The following SGCG variants were observed in gnomAD, a reference collection of about 807,000 sequenced individuals.
The protein encoded by SGCG is gamma-sarcoglycan.
In SGCG, 26 loss-of-function variants were observed where a neutral mutation model predicts 29.3. That is an observed-to-expected ratio of 0.89 (90% confidence interval 0.65 to 1.23). The LOEUF is 1.23. Among genes scored for constraint, SGCG ranks in the 50% most tolerant of loss-of-function variants. The pLI, the probability that SGCG is intolerant of heterozygous loss-of-function variation, is 0.00. For missense variants in SGCG, 353 were observed against 356.0 expected (o/e 0.99, Z 0.07); for synonymous variants, 145 against 129.7 (o/e 1.12, Z -0.80).
chr13:23,255,304 G>T (rs1346237295), intron 4 of SGCG, among the ~76,000 whole-genome samples: 1 of 152,254 alleles, frequency 6.6e-6, no homozygotes, highest in South Asian at 2.1e-4. Context: ...CTCCCTTTTG[G>T]AATGGCAACA....
chr13:23,223,269 T>C (rs1878747966), intron 2 of SGCG, among the ~76,000 whole-genome samples: 1 of 92,604 alleles, frequency 1.1e-5, no homozygotes, highest in South Asian at 4.7e-4. Context: ...AGAGTCAGAC[T>C]CTGTCACAAA....
At position 23,279,408 on chromosome 13, in the gene SGCG, C is replaced by T. The variant is rs35628352; in HGVS notation, c.435C>T (p.Asn145=). 2,694 of 1,613,022 alleles carry T rather than the reference C, an allele frequency of 1.7e-3. 39 individuals carry two copies. In the African/African-American group the frequency reaches 0.031, roughly 19 times the overall value. ...VQNQQFQINS[N]DGKPLFTVDE... ...ATCAACAGTTTCAGATCAACTCCAA[C>T]GACGGCAAGCCACTATTTACTGTAG... Residue 145 remains asparagine, a synonymous_variant, in exon 5 of 8, where the codon AAC becomes AAT. Coordinates refer to ENST00000218867, the MANE Select transcript of SGCG (RefSeq NM_000231.3).
At position 23,324,424 on chromosome 13, in the gene SGCG, T is replaced by A. The variant is rs2137534128; in HGVS notation, c.759T>A (p.Gly253=). 1.2e-6 allele frequency: 2 copies of A among 1,614,066 alleles called. No homozygotes were observed. The highest frequency in any genetic ancestry group is 3.3e-5 in the Admixed American group (2 of 60,002). The change falls in exon 8 of 8, where the codon GGT becomes GGA. Residue 253 remains glycine, a synonymous_variant. Transcript: ENST00000218867. ...CLPKLVQGTW[G]PSGSSQSLYE... ...CCAAGCTGGTGCAGGGGACGTGGGG[T>A]CCCTCTGGCAGCTCACAGAGCCTCT...
At chr13:23,228,517 C>T (rs61946665) in intron 2 of SGCG, among the ~76,000 whole-genome samples, 6,775 of 152,126 alleles carry the variant, frequency 0.045, 252 homozygotes, top group Middle Eastern at 0.11. Flanking sequence ...AAACTCATGA[C>T]TTGGGCATTT....
intron 2 of SGCG, among the ~76,000 whole-genome samples, chr13:23,214,255 C>A (rs957984490): frequency 2.0e-5 from 3 of 152,176 alleles, no homozygotes; most frequent in Non-Finnish European, 4.4e-5. Flanking sequence ...GCTATAAAAA[C>A]CCCTAGTTTT....
intron 3 of SGCG, chr13:23,245,616 A>G (rs1445014108): frequency 6.6e-6 from 1 of 152,200 alleles, no homozygotes; most frequent in Non-Finnish European, 1.5e-5. Context: ...GAAATTCAGT[A>G]AGGGGCGACC....
chr13:23,240,763 G>C (rs983645805), intron 3 of SGCG, among the ~76,000 whole-genome samples: 2 of 152,156 alleles, frequency 1.3e-5, no homozygotes, highest in Non-Finnish European at 1.5e-5. Flanking sequence ...ATTTTGAACT[G>C]AATGACAATT....
intron 3 of SGCG, chr13:23,246,095 GCAA>G (rs35405454): frequency 0.15 from 23,000 of 155,898 alleles, 1,738 homozygotes; most frequent in East Asian, 0.26. Flanking sequence ...AGCAGCAGCA[GCAA>G]CAACAACATA....
chr13:23,218,585 G>A (rs1352150781), intron 2 of SGCG, among the ~76,000 whole-genome samples: 1 of 152,006 alleles, frequency 6.6e-6, no homozygotes, highest in Non-Finnish European at 1.5e-5. Flanking sequence ...GTTGGGAAAG[G>A]GTAGTAAACT....
chr13:23,238,253 A>C (rs1879382906), intron 3 of SGCG, among the ~76,000 whole-genome samples: 1 of 152,214 alleles, frequency 6.6e-6, no homozygotes, highest in South Asian at 2.1e-4. Context: ...AATCCAAGGC[A>C]GCTGCAGTTT....
At chr13:23,230,498 C>A (rs1879067286) in intron 2 of SGCG, among the ~76,000 whole-genome samples, 1 of 152,118 alleles carries the variant, frequency 6.6e-6, no homozygotes, top group African/African-American at 2.4e-5. Context: ...GGATCTTTCA[C>A]CCCTTGGTTA....
chr13:23,287,935 A>G (rs9507070), intron 5 of SGCG, among the ~76,000 whole-genome samples: 65,862 of 151,926 alleles, frequency 0.43, 15,127 homozygotes, highest in Middle Eastern at 0.65. Context: ...TTGAATTTTC[A>G]GAAGAGATGG....
intron 5 of SGCG, among the ~76,000 whole-genome samples, chr13:23,288,118 C>T (rs1472265019): frequency 6.6e-6 from 1 of 152,198 alleles, no homozygotes; most frequent in Non-Finnish European, 1.5e-5. Flanking sequence ...TTCTCCACTA[C>T]CTGTGATAAC....
At chr13:23,319,670 T>C (rs750363221) in intron 6 of SGCG, among the ~76,000 whole-genome samples, 27 of 152,216 alleles carry the variant, frequency 1.8e-4, no homozygotes, top group Non-Finnish European at 3.1e-4. Flanking sequence ...TCTCCTCCCA[T>C]GAAACCCTAG....
chr13:23,300,711 C>T (rs548862125), intron 6 of SGCG, among the ~76,000 whole-genome samples: 9 of 149,902 alleles, frequency 6.0e-5, no homozygotes, highest in Admixed American at 2.0e-4. Flanking sequence ...CTCATAGAAC[C>T]ATTTAAAAAC....
chr13:23,263,426 A>C (rs760761890), intron 4 of SGCG, among the ~76,000 whole-genome samples: 4 of 152,118 alleles, frequency 2.6e-5, no homozygotes, highest in Admixed American at 6.5e-5. Context: ...AGTTTGAATC[A>C]GAAAGAAATA....
intron 1 of SGCG, among the ~76,000 whole-genome samples, chr13:23,191,134 G>C (rs2137479682): frequency 6.6e-6 from 1 of 152,222 alleles, no homozygotes; most frequent in East Asian, 1.9e-4. Context: ...TTCTTCATTT[G>C]ACATCGAAAT....
chr13:23,303,681 G>T (rs1882259138), intron 6 of SGCG, among the ~76,000 whole-genome samples: 1 of 152,168 alleles, frequency 6.6e-6, no homozygotes. Flanking sequence ...CTATATATGG[G>T]CACCTGATTT....
At chr13:23,242,119 A>AAG (rs1879537212) in intron 3 of SGCG, among the ~76,000 whole-genome samples, 1 of 152,194 alleles carries the variant, frequency 6.6e-6, no homozygotes, top group Non-Finnish European at 1.5e-5. Context: ...CAGACATTCA[A>AAG]AGAATGGTAA....
Sources: gnomAD v4.1 joint callset for allele counts (sites outside exome capture counted in the v4.1 genomes callset) on GRCh38, gnomAD v4.1.1 for gene constraint, MANE v1.5 for transcripts, NCBI Gene and HGNC (gene_info 2026-07-23, HGNC 2026-07-21) for gene names.